Variants in CHD3 observed in about 807,000 individuals in gnomAD.
The protein encoded by CHD3 is chromodomain helicase DNA binding protein 3.
A neutral mutation model predicts 248.9 loss-of-function variants in CHD3; 52 were observed. The observed-to-expected ratio is 0.21, with a 90% confidence interval of 0.17 to 0.26. The LOEUF (loss-of-function observed/expected upper bound fraction) is 0.26, where lower values mean the gene tolerates loss of function less well. Among genes scored for constraint, CHD3 ranks in the 10% least tolerant of loss-of-function variants. CHD3 has a pLI of 1.00. For synonymous variants in CHD3, 985 were observed against 985.2 expected (o/e 1.00, Z 0.00); for missense variants, 1,482 against 2,605.8 (o/e 0.57, Z 9.39).
chr17:7,909,417 C>G lies in CHD3; in HGVS notation c.5590+79C>G. 1.4e-6 allele frequency: 2 copies of G among 1,450,034 alleles called. No homozygotes were observed. Among genetic ancestry groups the G allele is most frequent in the Non-Finnish European group, 1.8e-6 (2 of 1,097,392 alleles). 89.8% of individuals were successfully genotyped at this position (1,450,034 alleles called of 1,614,324 possible). ...TTCACCCCGCACCCCTCAAAATCTT[C>G]CCACCCCCTGACCCCTCTACCTGCT... On this transcript the variant is annotated intron_variant, in intron 37 of 39. Transcript: ENST00000330494. This position sits in a 1 kb window ranked among gnomAD's most constrained non-coding sequence, Gnocchi z 8.1.
rs372603459 is a variant in CHD3, at chr17:7,910,474, G to C, written c.5637G>C (p.Val1879=). The C allele has an allele frequency of 8.1e-6, 13 of 1,613,874 alleles. No homozygotes were observed. In the African/African-American group the frequency reaches 1.6e-4, roughly 20 times the overall value. ...TGCTGAGCGACATGAAGGCGGACGT[G>C]ACCCGCCTGCCAGCCACGCTGTCCC... ...EELLSDMKAD[V]TRLPATLSRI... is the part of the protein sequence containing the mutation. The change falls in exon 38 of 40, where the codon GTG becomes GTC. Residue 1879 remains valine (V), a synonymous_variant. Coordinates refer to ENST00000330494, the MANE Select transcript of CHD3 (RefSeq NM_001005273.3). This position sits in a 1 kb window ranked among gnomAD's most constrained non-coding sequence, Gnocchi z 4.7.
intron 4 of CHD3, among the ~76,000 whole-genome samples, chr17:7,892,768 T>TA (rs1258590200): frequency 6.6e-6 from 1 of 152,174 alleles, no homozygotes; most frequent in East Asian, 1.9e-4. Flanking sequence ...GTACTGGGAT[T>TA]ACAGGCGTGA....
chr17:7,907,195 A>G lies in CHD3; in HGVS notation c.4736A>G (p.Gln1579Arg). 1.2e-6 allele frequency: 2 copies of G among 1,614,248 alleles called. No homozygotes were observed. Among genetic ancestry groups the G allele is most frequent in the Non-Finnish European group, 8.5e-7 (1 of 1,180,032 alleles). ...TPLEKEEAENQEEKPEKNSRI... is the reference protein window; with the variant it reads ...TPLEKEEAENREEKPEKNSRI... The stretch of plus-strand genomic sequence containing the variant: ...CTTGAGAAGGAGGAAGCTGAAAACC[A>G]GGAGGAAAAGCCAGAGAAGAACAGC... Residue 1579 changes from glutamine (Q) to arginine (R), a missense_variant, in exon 31 of 40, where the codon CAG becomes CGG. Transcript: ENST00000330494. The surrounding 1 kb of genome is among the most constrained non-coding windows in gnomAD (Gnocchi z 4.3).
chr17:7,887,235 T>C (rs1166982307), upstream of CHD3, among the ~76,000 whole-genome samples: 1 of 152,224 alleles, frequency 6.6e-6, no homozygotes, highest in Non-Finnish European at 1.5e-5. Context: ...TTCCATTGTT[T>C]TCCATTCCGA....
At position 7,909,100 on chromosome 17, in the gene CHD3, G is replaced by T; in HGVS notation, c.5395-43G>T. ...CCGCCCCCCCAGCCCCTCACCCACT[G>T]CTGGCAGAGCCCTACCTTCACCTCC... On this transcript the variant is annotated intron_variant, in intron 36 of 39. Transcript: ENST00000330494. The surrounding 1 kb of genome is among the most constrained non-coding windows in gnomAD (Gnocchi z 8.1). 6.5e-7 allele frequency: 1 copy of T among 1,549,268 alleles called. No individual in the cohort carries two copies. The highest frequency in any genetic ancestry group is 2.0e-5 in the Admixed American group (1 of 50,986).
chr17:7,889,453 C>G lies in CHD3; in HGVS notation c.101-211C>G, dbSNP rs1041791147. Among the ~76,000 whole-genome samples the G allele has an allele frequency of 1.3e-5, 2 of 152,212 alleles. No homozygotes were observed. Among genetic ancestry groups the G allele is most frequent in the African/African-American group, 4.8e-5 (2 of 41,464 alleles). On this transcript the variant is annotated intron_variant, in intron 1 of 39. Coordinates refer to ENST00000330494, the MANE Select transcript of CHD3 (RefSeq NM_001005273.3). This position sits in a 1 kb window ranked among gnomAD's most constrained non-coding sequence, Gnocchi z 4.5. ...GGAGGGGAGTGGTTTGGCTGCTCTT[C>G]TCTTCTGACCCCTGACCTCCCATTC... is the stretch of plus-strand genomic sequence containing the variant.
intron 6 of CHD3, 85 bp from the exon 7 acceptor site, chr17:7,894,024 ATCCGTG>A: frequency 6.3e-7 from 1 of 1,597,336 alleles, no homozygotes; most frequent in Non-Finnish European, 8.5e-7. Context: ...AGAGACAGGG[ATCCGTG>A]AGGGATGGCG....
chr17:7,911,257 C>T lies in CHD3; in HGVS notation c.5882-207C>T, dbSNP rs572038552. ...TTCAAGGGAAAGTGAATATGAAACC[C>T]GAGGGGTTAGAGAGTGGGAACATGT... On this transcript the variant is annotated intron_variant, in intron 39 of 39. Coordinates refer to ENST00000330494, the MANE Select transcript of CHD3 (RefSeq NM_001005273.3). The surrounding 1 kb of genome is among the most constrained non-coding windows in gnomAD (Gnocchi z 5.4). Among the ~76,000 whole-genome samples the T allele has an allele frequency of 5.3e-5, 8 of 152,288 alleles. No homozygotes were observed. Among genetic ancestry groups the T allele is most frequent in the East Asian group, 3.9e-4 (2 of 5,186 alleles).
rs1970718391 is a variant in CHD3 at position 7,904,787 on chromosome 17, G to C, written c.4072+168G>C. On this transcript the variant is annotated intron_variant, in intron 25 of 39. Coordinates refer to ENST00000330494, the MANE Select transcript of CHD3 (RefSeq NM_001005273.3). The surrounding 1 kb of genome is among the most constrained non-coding windows in gnomAD (Gnocchi z 4.4). ...TCATTAGGAACTACCCAGAGGCCAG[G>C]TGGGTTTGCAGGAGATTTAAACTCT... Among the ~76,000 whole-genome samples the C allele has an allele frequency of 6.6e-6, 1 of 152,274 alleles. No homozygotes were observed. The highest frequency in any genetic ancestry group is 1.5e-5 in the Non-Finnish European group (1 of 68,018).
Position 7,911,108 on chromosome 17 carries a change from GT to G in CHD3, c.5881+137del. The G allele has an allele frequency of 1.6e-6, 2 of 1,266,234 alleles. No individual in the cohort carries two copies. Among genetic ancestry groups the G allele is most frequent in the Non-Finnish European group, 2.2e-6 (2 of 894,856 alleles). 78.4% of individuals were successfully genotyped at this position (1,266,234 alleles called of 1,614,324 possible). A position where few individuals can be genotyped will look rare whatever the true frequency, so the allele number is the denominator to read the frequency against. ...ATCCGGTGTTTTATGGGATAGAGTTGTTCTAGGCTGTCCCCCCACCCATCCC... is the reference window on the plus strand; with the variant it reads ...ATCCGGTGTTTTATGGGATAGAGTTGTCTAGGCTGTCCCCCCACCCATCCC... On this transcript the variant is annotated intron_variant, in intron 39 of 39. Transcript: ENST00000330494. The surrounding 1 kb of genome is among the most constrained non-coding windows in gnomAD (Gnocchi z 5.4).
rs781506178 is a variant in CHD3, at chr17:7,907,960, G to A, written c.5093G>A (p.Arg1698Gln). Reference protein sequence around the residue: ...PRDEPRSNGRREEKTEKPRFM... With the variant: ...PRDEPRSNGRQEEKTEKPRFM... ...GATGAGCCACGGTCCAATGGGCGACGAGAGGAAAAGACAGAGAAGCCCCGG... is the reference window on the plus strand; with the variant it reads ...GATGAGCCACGGTCCAATGGGCGACAAGAGGAAAAGACAGAGAAGCCCCGG... The change falls in exon 34 of 40, where the codon CGA (arginine) becomes CAA (glutamine). Residue 1698 changes from arginine (R) to glutamine (Q), a missense_variant. Arg to Gln is a conservative substitution (Grantham distance 43). Coordinates refer to ENST00000330494, the MANE Select transcript of CHD3 (RefSeq NM_001005273.3). The surrounding 1 kb of genome is among the most constrained non-coding windows in gnomAD (Gnocchi z 4.3). 15 of 1,612,960 alleles carry A rather than the reference G, an allele frequency of 9.3e-6. No homozygotes were observed. The highest frequency in any genetic ancestry group is 5.0e-5 in the Admixed American group (3 of 59,964).
rs751372443 is a variant in CHD3, at chr17:7,908,464, A to G, written c.5215A>G (p.Ile1739Val). 2 of 1,613,944 alleles carry G rather than the reference A, an allele frequency of 1.2e-6. No individual in the cohort carries two copies. Among genetic ancestry groups the G allele is most frequent in the South Asian group, 2.2e-5 (2 of 91,064 alleles). ...TATTTCCTCGGGGAAACTCAATGAG[A>G]TCTGGCACAGAAGACATGACTATTG... Reference protein sequence around the residue: ...AAISSGKLNEIWHRRHDYWLL... With the variant: ...AAISSGKLNEVWHRRHDYWLL... Residue 1739 changes from isoleucine to valine, a missense_variant, in exon 35 of 40, where the codon ATC (isoleucine) becomes GTC (valine). Ile to Val is a conservative substitution (Grantham distance 29, BLOSUM62 3). Around this residue, in one of 20 missense-constraint regions of CHD3, gnomAD observed 36 missense variants for 70.4 expected, o/e 0.51. Coordinates refer to ENST00000330494, the MANE Select transcript of CHD3 (RefSeq NM_001005273.3). This position sits in a 1 kb window ranked among gnomAD's most constrained non-coding sequence, Gnocchi z 5.8.
At chr17:7,888,591 C>G (rs1968356818), upstream of CHD3, among the ~76,000 whole-genome samples, 1 of 152,202 alleles carries the variant, frequency 6.6e-6, no homozygotes, top group Admixed American at 6.5e-5. Flanking sequence ...CAGAGTGACA[C>G]CTTCACAGAT....
In CHD3 at chr17:7,910,928, G is replaced by C; in HGVS notation, c.5836G>C (p.Ala1946Pro). The C allele has an allele frequency of 6.2e-7, 1 of 1,613,600 alleles. No homozygotes were observed. Among genetic ancestry groups the C allele is most frequent in the Non-Finnish European group, 8.5e-7 (1 of 1,179,842 alleles). The change falls in exon 39 of 40, where the codon GCA becomes CCA. Residue 1946 changes from alanine to proline, a missense_variant. Physicochemically the swap from Ala to Pro is conservative, Grantham distance 27. Transcript: ENST00000330494. The surrounding 1 kb of genome is among the most constrained non-coding windows in gnomAD (Gnocchi z 4.7). ...CGCACCCGTAGGGGCCCTGGCCGCC[G>C]CAGGCGCCAATTACAGCCAGATGCC... ...SAAPVGALAAAGANYSQMPAG... is the reference protein window; with the variant it reads ...SAAPVGALAAPGANYSQMPAG...
In CHD3 at chr17:7,893,550, C is replaced by T; in HGVS notation, c.774C>T (p.Ala258=). 6.3e-7 allele frequency: 1 copy of T among 1,583,902 alleles called. No individual in the cohort carries two copies. Among genetic ancestry groups the T allele is most frequent in the Non-Finnish European group, 8.6e-7 (1 of 1,163,634 alleles). Residue 258 remains alanine, a synonymous_variant, in exon 5 of 40, where the codon GCC becomes GCT. Transcript: ENST00000330494. The part of the protein sequence containing the change: ...ADIQPPPIRR[A]KTKEGKGPGH... Reference sequence around the variant, plus strand: ...TCCAGCCCCCACCCATCCGAAGAGCCAAAACCAAAGAGGGCAAAGGTAGGG... The same window carrying T: ...TCCAGCCCCCACCCATCCGAAGAGCTAAAACCAAAGAGGGCAAAGGTAGGG...
chr17:7,910,990 C>T lies in CHD3; in HGVS notation c.5881+17C>T. ...TCATCACAGGTCAGCTGGTGTTTTC[C>T]TACCCCCTGCTACTCACACTCCTCC... On this transcript the variant is annotated intron_variant, in intron 39 of 39. Transcript: ENST00000330494. The surrounding 1 kb of genome is among the most constrained non-coding windows in gnomAD (Gnocchi z 4.7). 6.2e-7 allele frequency: 1 copy of T among 1,612,304 alleles called. No individual in the cohort carries two copies. The highest frequency in any genetic ancestry group is 1.3e-5 in the African/African-American group (1 of 74,896).
chr17:7,894,811 T>C (rs1478389917), intron 8 of CHD3, 106 bp from the exon 9 acceptor site: 1 of 1,525,766 alleles, frequency 6.6e-7, no homozygotes, highest in East Asian at 2.3e-5. Flanking sequence ...TTCCCACCAG[T>C]CTTCTCTGCA....
Position 7,897,062 on chromosome 17 carries a change from C to T in CHD3, c.1708-21C>T. ...GTGAGTGTCAGGACTATCTCTTTCC[C>T]TTTTTTCTGTGCCCTGCTAGCTGGA... On this transcript the variant is annotated intron_variant, in intron 10 of 39. Coordinates refer to ENST00000330494, the MANE Select transcript of CHD3 (RefSeq NM_001005273.3). The surrounding 1 kb of genome is among the most constrained non-coding windows in gnomAD (Gnocchi z 4.8). 1.2e-6 allele frequency: 2 copies of T among 1,609,740 alleles called. No homozygotes were observed. Among genetic ancestry groups the T allele is most frequent in the Non-Finnish European group, 1.7e-6 (2 of 1,176,064 alleles).
chr17:7,889,529 G>C lies in CHD3; in HGVS notation c.101-135G>C. 1.4e-6 allele frequency: 1 copy of C among 697,514 alleles called. No individual in the cohort carries two copies. Among genetic ancestry groups the C allele is most frequent in the Non-Finnish European group, 2.4e-6 (1 of 409,784 alleles). 43.2% of individuals were successfully genotyped at this position (697,514 alleles called of 1,614,324 possible). A position where few individuals can be genotyped will look rare whatever the true frequency, so the allele number is the denominator to read the frequency against. Reference sequence around the variant, plus strand: ...GAAACACTTTCTGTTTGCATCCAGTGAAGGGAGGCAGGGCTTGGAGGAGTT... The same window carrying C: ...GAAACACTTTCTGTTTGCATCCAGTCAAGGGAGGCAGGGCTTGGAGGAGTT... On this transcript the variant is annotated intron_variant, in intron 1 of 39. Coordinates refer to ENST00000330494, the MANE Select transcript of CHD3 (RefSeq NM_001005273.3). The surrounding 1 kb of genome is among the most constrained non-coding windows in gnomAD (Gnocchi z 4.5).
Sources: gnomAD v4.1 joint callset for allele counts (sites outside exome capture counted in the v4.1 genomes callset) on GRCh38, gnomAD v4.1.1 for gene constraint, gnomAD v4.1.1 regional missense constraint, Gnocchi (gnomAD v3.1) non-coding constraint, MANE v1.5 for transcripts, NCBI Gene and HGNC (gene_info 2026-07-23, HGNC 2026-07-21) for gene names.